TLK1: variants seen among roughly 807,000 people sequenced by gnomAD.
The protein encoded by TLK1 is tousled like kinase 1.
TLK1 carries 24 observed loss-of-function variants against 105.3 expected under a neutral mutation model. That is an observed-to-expected ratio of 0.23 (90% confidence interval 0.17 to 0.32). The LOEUF is 0.32. TLK1 is among the 10% of genes least tolerant of loss of function. The probability of loss-of-function intolerance (pLI) is 1.00; values close to 1 mark genes in which losing one functional copy is unlikely to be tolerated. For missense variants in TLK1, 558 were observed against 910.5 expected, an observed-to-expected ratio of 0.61 and a Z score of 4.98; for synonymous variants, 321 against 310.4, an observed-to-expected ratio of 1.03 and a Z score of -0.36.
intron 1 of TLK1, among the ~76,000 whole-genome samples, chr2:171,200,571 G>T (rs1693380127): frequency 1.3e-5 from 2 of 152,172 alleles, no homozygotes; most frequent in Non-Finnish European, 2.9e-5. Flanking sequence ...TTTGGAACCT[G>T]GGGATGGTGG....
At chr2:171,136,993 A>C (rs1392664832) in intron 1 of TLK1, among the ~76,000 whole-genome samples, 1 of 152,220 alleles carries the variant, frequency 6.6e-6, no homozygotes, top group Non-Finnish European at 1.5e-5. Flanking sequence ...TTTACCACAC[A>C]AACACAAGCA....
chr2:171,180,433 TA>T (rs952391454), intron 1 of TLK1, among the ~76,000 whole-genome samples: 15 of 152,208 alleles, frequency 9.9e-5, no homozygotes, highest in African/African-American at 3.6e-4. Flanking sequence ...GTTTTCTCCT[TA>T]TGATTCCTGG....
intron 3 of TLK1, among the ~76,000 whole-genome samples, chr2:171,076,258 G>C (rs1460771666): frequency 6.6e-6 from 1 of 151,880 alleles, no homozygotes; most frequent in Non-Finnish European, 1.5e-5. Context: ...CCTCATGAAT[G>C]GATTAATGCC....
chr2:171,199,089 A>G (rs966500201), intron 1 of TLK1, among the ~76,000 whole-genome samples: 7 of 152,230 alleles, frequency 4.6e-5, no homozygotes, highest in African/African-American at 1.7e-4. Context: ...ATCTGTAACT[A>G]AGTTGTTTGC....
intron 1 of TLK1, among the ~76,000 whole-genome samples, chr2:171,139,988 C>G (rs1691505614): frequency 6.6e-6 from 1 of 152,220 alleles, no homozygotes; most frequent in Non-Finnish European, 1.5e-5. Context: ...GATGATCTCA[C>G]AGGAGGTGGA....
intron 1 of TLK1, among the ~76,000 whole-genome samples, chr2:171,200,108 A>G (rs1318121255): frequency 6.6e-6 from 1 of 152,212 alleles, no homozygotes; most frequent in Non-Finnish European, 1.5e-5. Context: ...ACTATTAGAA[A>G]ATAAAGCCCT....
chr2:171,195,435 G>A (rs535559144), intron 1 of TLK1, among the ~76,000 whole-genome samples: 3 of 150,156 alleles, frequency 2.0e-5, no homozygotes, highest in Admixed American at 6.6e-5. Context: ...CCTGGGAGGC[G>A]GAGCTTGCAG....
intron 11 of TLK1, among the ~76,000 whole-genome samples, chr2:171,031,513 T>C (rs7574063): frequency 0.017 from 2,614 of 152,346 alleles, 79 homozygotes; most frequent in African/African-American, 0.059. Flanking sequence ...AAGGCAAAGA[T>C]ATAATCCATC....
At chr2:170,996,328 C>G (rs191145536) in intron 20 of TLK1, among the ~76,000 whole-genome samples, 16 of 152,268 alleles carry the variant, frequency 1.1e-4, no homozygotes, top group African/African-American at 3.9e-4. Flanking sequence ...TTCTTATATA[C>G]TTATATATCT....
At chr2:171,025,579 T>C (rs1685734364) in intron 12 of TLK1, among the ~76,000 whole-genome samples, 1 of 152,308 alleles carries the variant, frequency 6.6e-6, no homozygotes, top group Admixed American at 6.5e-5. Flanking sequence ...AGATCCAGCC[T>C]ATGGTAGAAG....
At chr2:171,100,895 G>A (rs1558941935) in intron 2 of TLK1, among the ~76,000 whole-genome samples, 1 of 152,096 alleles carries the variant, frequency 6.6e-6, no homozygotes, top group South Asian at 2.1e-4. Context: ...CATAACATTT[G>A]CATCAAAAAA....
At position 171,060,991 on chromosome 2, in the gene TLK1, A is replaced by G. The variant is rs145441103; in HGVS notation, c.406+90T>C. 41 of 1,276,278 alleles carry G rather than the reference A, an allele frequency of 3.2e-5. No individual in the cohort carries two copies. In the African/African-American group the frequency reaches 5.8e-4, roughly 18 times the overall value. The allele number at this position is 1,276,278 out of a possible 1,614,324, so 79.1% of individuals were successfully genotyped here. A position where few individuals can be genotyped will look rare whatever the true frequency, so the allele number is the denominator to read the frequency against. ...ACACCAAAATTTACAACTTCATATT[A>G]TTTTACAATTAGAGTATTAATTGGT... is the stretch of plus-strand genomic sequence containing the variant. On this transcript the variant is annotated intron_variant, in intron 4 of 20. Transcript: ENST00000431350.
intron 4 of TLK1, among the ~76,000 whole-genome samples, chr2:171,060,602 TATAAG>T (rs1234497340): frequency 6.6e-6 from 1 of 152,232 alleles, no homozygotes; most frequent in Non-Finnish European, 1.5e-5. Context: ...TTCTATTCAT[TATAAG>T]ATATTTAGTT....
chr2:171,160,755 A>G lies in TLK1; in HGVS notation c.-327T>C. 2 of 429,660 alleles carry G rather than the reference A, an allele frequency of 4.7e-6. No homozygotes were observed. Among genetic ancestry groups the G allele is most frequent in the Non-Finnish European group, 4.0e-6 (1 of 248,792 alleles). 26.6% of individuals were successfully genotyped at this position (429,660 alleles called of 1,614,324 possible). A position where few individuals can be genotyped will look rare whatever the true frequency, so the allele number is the denominator to read the frequency against. ...CGGGCCGGGGTCGGAGCGCGGGCGG[A>G]GCGCGGGCTGCGCCGGCCGAGGACA... On this transcript the variant is annotated 5_prime_UTR_variant, in exon 1 of 21. Transcript: ENST00000431350. The surrounding 1 kb of genome is among the most constrained non-coding windows in gnomAD (Gnocchi z 4.4).
chr2:171,112,475 CTTCT>C (rs1690221114), intron 2 of TLK1, among the ~76,000 whole-genome samples: 1 of 152,120 alleles, frequency 6.6e-6, no homozygotes. Flanking sequence ...TAGAAAGGCT[CTTCT>C]TTAATTTGGG....
At chr2:171,206,608 T>C (rs540943682) in intron 1 of TLK1, among the ~76,000 whole-genome samples, 1 of 152,306 alleles carries the variant, frequency 6.6e-6, no homozygotes, top group African/African-American at 2.4e-5. Context: ...TACTGGTTTA[T>C]GTAATGCTGA....
intron 2 of TLK1, among the ~76,000 whole-genome samples, chr2:171,097,129 C>T (rs937158796): frequency 8.5e-5 from 13 of 152,122 alleles, no homozygotes; most frequent in Non-Finnish European, 1.5e-5. Context: ...TAAAAATAGA[C>T]ATATAAACCA....
chr2:171,107,309 T>C (rs564520171), intron 2 of TLK1, among the ~76,000 whole-genome samples: 1 of 152,220 alleles, frequency 6.6e-6, no homozygotes, highest in Non-Finnish European at 1.5e-5. Flanking sequence ...TTTAGACACA[T>C]TTCTCTTTTG....
chr2:171,031,598 T>C (rs1398121335), intron 11 of TLK1, among the ~76,000 whole-genome samples: 2 of 152,204 alleles, frequency 1.3e-5, no homozygotes, highest in East Asian at 3.8e-4. Context: ...AATATTTTAT[T>C]ATGCACACAT....
Sources: allele counts gnomAD v4.1 joint callset (sites outside exome capture counted in the v4.1 genomes callset), GRCh38; gene constraint gnomAD v4.1.1; non-coding constraint Gnocchi (gnomAD v3.1); transcripts MANE v1.5; gene names NCBI Gene and HGNC (gene_info 2026-07-23, HGNC 2026-07-21).